TERF2: variants seen among roughly 807,000 people sequenced by gnomAD.
TERF2 encodes the protein telomeric repeat binding factor 2, also known as telomeric repeat-binding factor 2.
In TERF2, 16 loss-of-function variants were observed where a neutral mutation model predicts 56.1. The observed-to-expected ratio is 0.29, with a 90% CI of 0.19 to 0.43. The LOEUF is 0.43. Among genes scored for constraint, TERF2 ranks in the 20% least tolerant of loss-of-function variants. The probability of loss-of-function intolerance (pLI) is 1.00; values close to 1 mark genes in which losing one functional copy is unlikely to be tolerated. For synonymous variants in TERF2, 296 were observed against 282.1 expected, an observed-to-expected ratio of 1.05 and a Z score of -0.50; for missense variants, 547 against 712.9, an observed-to-expected ratio of 0.77 and a Z score of 2.65.
At chr16:69,383,246 C>A (rs756062078) in intron 3 of TERF2, among the ~76,000 whole-genome samples, 6 of 152,054 alleles carry the variant, frequency 3.9e-5, no homozygotes, top group Non-Finnish European at 7.4e-5. Context: ...CATGTTGGCA[C>A]TCAAAAAGTT....
intron 3 of TERF2, among the ~76,000 whole-genome samples, 166 bp downstream of exon 3, chr16:69,384,414 G>C (rs1332260233): frequency 6.6e-6 from 1 of 152,172 alleles, no homozygotes; most frequent in African/African-American, 2.4e-5. Flanking sequence ...GCCTGGGTGG[G>C]AAAGGAGACA....
At chr16:69,384,491 T>C in intron 3 of TERF2, 89 bp downstream of exon 3, 1 of 1,387,402 alleles carries the variant, frequency 7.2e-7, no homozygotes, top group South Asian at 1.6e-5. Flanking sequence ...GCTGTTTTCC[T>C]CTGCCCCACA....
chr16:69,385,717 C>T lies in TERF2; in HGVS notation c.255G>A (p.Ala85=), dbSNP rs1466140160. The change falls in exon 1 of 10, where the codon GCG becomes GCA. Residue 85 remains alanine, a synonymous_variant. Transcript: ENST00000254942. ...CTGCCTCTTCCAGCCGTGCCTCCCC[C>T]GCGCCGCGCTCCGCCGGGCCCCCCA... is the stretch of plus-strand genomic sequence containing the variant. ...PGLGGPAERG[A]GEARLEEAVN... is the part of the protein sequence containing the mutation. 2.5e-6 allele frequency: 4 copies of T among 1,584,672 alleles called. No homozygotes were observed. The highest frequency in any genetic ancestry group is 1.7e-4 in the Middle Eastern group (1 of 5,844).
intron 3 of TERF2, among the ~76,000 whole-genome samples, chr16:69,373,519 C>A (rs953787447): frequency 2.0e-5 from 3 of 152,214 alleles, no homozygotes; most frequent in Admixed American, 6.5e-5. Context: ...TTTAAAAAGA[C>A]CACCATACAA....
intron 3 of TERF2, among the ~76,000 whole-genome samples, chr16:69,376,691 CA>C (rs1003834288): frequency 0.045 from 4,242 of 94,786 alleles, 195 homozygotes; most frequent in African/African-American, 0.13. Context: ...CCATCTTTAC[CA>C]AAAAAAAAAA....
intron 3 of TERF2, among the ~76,000 whole-genome samples, chr16:69,380,501 T>C (rs543566818): frequency 6.6e-6 from 1 of 151,178 alleles, no homozygotes; most frequent in East Asian, 2.0e-4. Context: ...CTAATAATAA[T>C]ACAAAAATTA....
chr16:69,368,302 T>C, intron 6 of TERF2, 74 bp downstream of exon 6: 2 of 1,414,154 alleles, frequency 1.4e-6, no homozygotes, highest in Non-Finnish European at 2.0e-6. Context: ...GAACTGATCC[T>C]GGCCTAAGGA....
In TERF2 at chr16:69,386,000, G is replaced by A. The variant is rs2014196093; in HGVS notation, c.-29C>T. The A allele has an allele frequency of 7.7e-7, 1 of 1,302,876 alleles. No homozygotes were observed. Among genetic ancestry groups the A allele is most frequent in the Non-Finnish European group, 9.7e-7 (1 of 1,026,364 alleles). 80.7% of individuals were successfully genotyped at this position (1,302,876 alleles called of 1,614,324 possible). ...AGAAACAGCGTTCCGAGCCGCCCGCGGGCTTCTGGGAGGGAAAGGACCGGA... is the reference window on the plus strand; with the variant it reads ...AGAAACAGCGTTCCGAGCCGCCCGCAGGCTTCTGGGAGGGAAAGGACCGGA... On this transcript the variant is annotated 5_prime_UTR_variant, in exon 1 of 10. Coordinates refer to ENST00000254942, the MANE Select transcript of TERF2 (RefSeq NM_005652.5).
intron 3 of TERF2, among the ~76,000 whole-genome samples, chr16:69,381,362 G>A (rs538265424): frequency 1.3e-5 from 2 of 152,174 alleles, no homozygotes; most frequent in Admixed American, 6.5e-5. Flanking sequence ...AGGTAAAATA[G>A]TATTCCATAA....
chr16:69,381,450 G>A, intron 3 of TERF2, among the ~76,000 whole-genome samples: 1 of 151,910 alleles, frequency 6.6e-6, no homozygotes, highest in South Asian at 2.1e-4. Context: ...TTGGTATGCA[G>A]CAGAAACATT....
At chr16:69,363,138 AGGT>A (rs1386620996) in intron 7 of TERF2, among the ~76,000 whole-genome samples, 4 of 152,198 alleles carry the variant, frequency 2.6e-5, no homozygotes, top group African/African-American at 9.7e-5. Context: ...ATTTTACAGG[AGGT>A]TTTTCCTTCT....
chr16:69,368,130 C>T (rs555224597), intron 6 of TERF2, among the ~76,000 whole-genome samples: 2 of 152,244 alleles, frequency 1.3e-5, no homozygotes, highest in African/African-American at 4.8e-5. Flanking sequence ...ACGGGGGAGG[C>T]AAGGAGAGAG....
Position 69,385,593 on chromosome 16 carries a change from C to A in TERF2, c.379G>T (p.Ala127Ser). 1 of 1,611,244 alleles carries A rather than the reference C, an allele frequency of 6.2e-7. No homozygotes were observed. The highest frequency in any genetic ancestry group is 8.5e-7 in the Non-Finnish European group (1 of 1,179,144). Residue 127 changes from alanine to serine, a missense_variant and splice_region_variant, in exon 1 of 10, where the codon GCT (alanine) becomes TCT (serine). Ala to Ser is a moderately conservative substitution (Grantham distance 99). Around this residue, in one of 6 missense-constraint regions of TERF2, gnomAD observed 120 missense variants for 172.4 expected, o/e 0.70. Coordinates refer to ENST00000254942, the MANE Select transcript of TERF2 (RefSeq NM_005652.5). ...CCCCCTCCCCCGGCCCGGCCCTCAC[C>A]CTGCATGATGTCCCGGATCTGTCTG... ...DFRQIRDIMQ[A>S]LLVRPLGKEH... is the part of the protein sequence containing the mutation.
chr16:69,384,232 C>T (rs1057014396), intron 3 of TERF2, among the ~76,000 whole-genome samples: 3 of 152,150 alleles, frequency 2.0e-5, no homozygotes, highest in Admixed American at 2.0e-4. Context: ...CAGTTTATCT[C>T]CTTGGTTTAT....
Position 69,368,475 on chromosome 16 carries a change from T to C in TERF2, c.848A>G (p.Lys283Arg), listed in dbSNP as rs2013435723. Residue 283 changes from lysine (K) to arginine (R), a missense_variant, in exon 6 of 10, where the codon AAA (lysine) becomes AGA (arginine). Physicochemically the swap from Lys to Arg is conservative, Grantham distance 26. This residue lies in a region of TERF2 where 97 missense variants were observed against 157.0 expected (regional missense o/e 0.62). Coordinates refer to ENST00000254942, the MANE Select transcript of TERF2 (RefSeq NM_005652.5). ...AGCGGACTCAGATTTCAAAGCCTTT[T>C]TGGCCATCTGGGAAAGGAAGGATGT... is the stretch of plus-strand genomic sequence containing the variant. ...DAEPYLLTMA[K>R]KALKSESAAS... is the part of the protein sequence containing the mutation. The C allele has an allele frequency of 6.2e-7, 1 of 1,614,044 alleles. No homozygotes were observed. The highest frequency in any genetic ancestry group is 1.3e-5 in the African/African-American group (1 of 74,928).
rs1293915232 is a variant in TERF2 at position 69,378,313 on chromosome 16, G to A, written c.607-5958C>T. Among the ~76,000 whole-genome samples, 3 of 152,306 alleles carry A rather than the reference G, an allele frequency of 2.0e-5. No homozygotes were observed. In the East Asian group the frequency reaches 5.8e-4, roughly 29 times the overall value. On this transcript the variant is annotated intron_variant, in intron 3 of 9. Transcript: ENST00000254942. ...CAGACAGTGGAAGGCTATGGAATTT[G>A]TTCCATGTTCTGGGGATCACAGCTC...
chr16:69,372,414 T>G, intron 3 of TERF2, 59 bp from the exon 4 acceptor site: 1 of 1,101,816 alleles, frequency 9.1e-7, no homozygotes, highest in East Asian at 2.4e-5. Flanking sequence ...AATCAGAATA[T>G]CAAACATCAA....
chr16:69,364,424 C>CAGGA (rs2013263301), intron 7 of TERF2, among the ~76,000 whole-genome samples: 1 of 152,140 alleles, frequency 6.6e-6, no homozygotes, highest in Non-Finnish European at 1.5e-5. Context: ...ATTCAGTAGC[C>CAGGA]AGGAGCCTGG....
At position 69,385,871 on chromosome 16, in the gene TERF2, C is replaced by T; in HGVS notation, c.101G>A (p.Gly34Glu). 7.3e-7 allele frequency: 1 copy of T among 1,372,444 alleles called. No individual in the cohort carries two copies. Among genetic ancestry groups the T allele is most frequent in the Non-Finnish European group, 9.4e-7 (1 of 1,060,782 alleles). The allele number at this position is 1,372,444 out of a possible 1,614,324, so 85.0% of individuals were successfully genotyped here. A position where few individuals can be genotyped will look rare whatever the true frequency, so the allele number is the denominator to read the frequency against. ...CGTGTCCGATCGCCGCGCGCCCTCC[C>T]CGCCCTCCCGGCCGGGCCGCTTCCT... is the stretch of plus-strand genomic sequence containing the variant. Reference protein sequence around the residue: ...QPRKRPGREGGEGARRSDTMA... With the variant: ...QPRKRPGREGEEGARRSDTMA... Residue 34 changes from glycine to glutamate, a missense_variant, in exon 1 of 10, where the codon GGG becomes GAG. Coordinates refer to ENST00000254942, the MANE Select transcript of TERF2 (RefSeq NM_005652.5).
Sources: gnomAD v4.1 joint callset for allele counts (sites outside exome capture counted in the v4.1 genomes callset) on GRCh38, gnomAD v4.1.1 for gene constraint, gnomAD v4.1.1 regional missense constraint, MANE v1.5 for transcripts, NCBI Gene and HGNC (gene_info 2026-07-23, HGNC 2026-07-21) for gene names.